The following CYBC1 variants were observed in gnomAD, a reference collection of about 807,000 sequenced individuals.
CYBC1 encodes the protein cytochrome b-245 chaperone 1, also known as essential for reactive oxygen species protein.
Under a neutral mutation model 21.7 loss-of-function variants are expected in CYBC1, and 22 were observed. The ratio of observed to expected loss-of-function variants is 1.02; its 90% confidence interval spans 0.73 to 1.45. The LOEUF is 1.45. Ranked by LOEUF, CYBC1 falls within the 40% of genes most tolerant of loss-of-function variation. The pLI, the probability that CYBC1 is intolerant of heterozygous loss-of-function variation, is 0.00. For missense variants in CYBC1, 237 were observed against 242.1 expected (o/e 0.98, Z 0.14); for synonymous variants, 112 against 98.7 (o/e 1.13, Z -0.80).
intron 1 of CYBC1, chr17:82,450,285 A>G (rs1346283072): frequency 6.6e-6 from 1 of 152,184 alleles, no homozygotes. Context: ...GTGTCTCAAA[A>G]AAATAAAAAA....
chr17:82,446,362 G>T (rs1192544583), intron 4 of CYBC1, among the ~76,000 whole-genome samples: 1 of 152,218 alleles, frequency 6.6e-6, no homozygotes, highest in Non-Finnish European at 1.5e-5. Context: ...TGGCAACTCT[G>T]GGAAGAAAGC....
intron 1 of CYBC1, chr17:82,449,749 G>A (rs11870582): frequency 0.015 from 2,342 of 154,536 alleles, 66 homozygotes; most frequent in African/African-American, 0.054. Flanking sequence ...ATGGACCAAC[G>A]ATCTCAGCTC....
chr17:82,444,243 G>A, intron 6 of CYBC1, 119 bp from the exon 7 acceptor site: 1 of 1,479,764 alleles, frequency 6.8e-7, no homozygotes. Context: ...CTCCCAAACT[G>A]GACCCAGCAC....
intron 3 of CYBC1, chr17:82,447,326 C>T: frequency 1.9e-6 from 1 of 535,174 alleles, no homozygotes; most frequent in Non-Finnish European, 3.4e-6. Context: ...GCACTCCAGC[C>T]TGGGTGACAG....
At chr17:82,447,368 A>G (rs2054366784) in intron 3 of CYBC1, 2 of 572,934 alleles carry the variant, frequency 3.5e-6, no homozygotes, top group Non-Finnish European at 6.2e-6. Context: ...AAAAAAAAAA[A>G]GAAGTGAAAT....
chr17:82,450,746 C>G lies in CYBC1; in HGVS notation c.-85G>C, dbSNP rs565900309. The G allele has an allele frequency of 2.6e-5, 4 of 152,092 alleles. No individual in the cohort carries two copies. In the East Asian group the frequency reaches 5.8e-4, roughly 22 times the overall value. The allele number at this position is 152,092 out of a possible 1,614,324, so 9.4% of individuals were successfully genotyped here. On this transcript the variant is annotated 5_prime_UTR_variant, in exon 1 of 7. Transcript: ENST00000306645. ...GCCGCAGCAGAGAGACGCGAACCGG[C>G]GGGGGCGGGGCCGCGCGCACTTCCG...
chr17:82,450,656 G>A (rs998548195), intron 1 of CYBC1, 44 bp downstream of exon 1: 5 of 152,300 alleles, frequency 3.3e-5, no homozygotes, highest in East Asian at 1.9e-4. Flanking sequence ...CGCGCGGCAC[G>A]GAGCGGGAAG....
At position 82,443,975 on chromosome 17, in the gene CYBC1, G is replaced by A. The variant is rs201108529; in HGVS notation, c.*29C>T. ...GGAATGTGCCATGGGTCCTGTGGGC[G>A]GTGCACGGGCTCAGGCACAGTGGGG... On this transcript the variant is annotated 3_prime_UTR_variant, in exon 7 of 7. Transcript: ENST00000306645. The surrounding 1 kb of genome is among the most constrained non-coding windows in gnomAD (Gnocchi z 6.7). The A allele has an allele frequency of 2.1e-5, 33 of 1,609,084 alleles. No homozygotes were observed. Among genetic ancestry groups the A allele is most frequent in the African/African-American group, 6.7e-5 (5 of 74,990 alleles).
chr17:82,448,014 G>A lies in CYBC1; in HGVS notation c.86-393C>T, dbSNP rs369728133. 12 of 304,122 alleles carry A rather than the reference G, an allele frequency of 3.9e-5. No homozygotes were observed. The East Asian group carries it at 6.5e-4, about 16-fold the overall frequency. The allele number at this position is 304,122 out of a possible 1,614,324, so 18.8% of individuals were successfully genotyped here. A position where few individuals can be genotyped will look rare whatever the true frequency, so the allele number is the denominator to read the frequency against. ...CTGTGTGAGGCTCCATAACTGACAC[G>A]GGTGTTACTCCAGTAGCACGTGGTG... On this transcript the variant is annotated intron_variant, in intron 2 of 6. Transcript: ENST00000306645.
intron 4 of CYBC1, among the ~76,000 whole-genome samples, chr17:82,446,179 G>C (rs773142705): frequency 2.0e-5 from 3 of 152,226 alleles, no homozygotes; most frequent in Non-Finnish European, 4.4e-5. Context: ...GAGGTGGGCA[G>C]GTGCAGCAGG....
Position 82,446,641 on chromosome 17 carries a change from C to G in CYBC1, c.183G>C (p.Gln61His). ...YVTGCLFVAV[Q>H]NLEDWEEAIF... ...GCCTTACCTCCCAGTCCTCCAAGTT[C>G]TGCACAGCCACAAACAGGCAGCCTG... is the stretch of plus-strand genomic sequence containing the variant. Residue 61 changes from glutamine (Q) to histidine (H), a missense_variant, in exon 4 of 7, where the codon CAG (glutamine) becomes CAC (histidine). Transcript: ENST00000306645. 1.2e-6 allele frequency: 2 copies of G among 1,614,142 alleles called. No individual in the cohort carries two copies. Among genetic ancestry groups the G allele is most frequent in the Non-Finnish European group, 1.7e-6 (2 of 1,180,010 alleles).
In CYBC1 at chr17:82,447,741, T is replaced by C. The variant is rs906304185; in HGVS notation, c.86-120A>G. The C allele has an allele frequency of 9.0e-6, 8 of 887,708 alleles. No individual in the cohort carries two copies. The African/African-American group carries it at 1.2e-4, about 13-fold the overall frequency. 55.0% of individuals were successfully genotyped at this position (887,708 alleles called of 1,614,324 possible). The stretch of plus-strand genomic sequence containing the variant: ...GCCCTTCCCACTGTAGGAACAGCTG[T>C]GGTCAGGGGTTACAGACCACCAGGT... On this transcript the variant is annotated intron_variant, in intron 2 of 6. Coordinates refer to ENST00000306645, the MANE Select transcript of CYBC1 (RefSeq NM_001033046.4).
intron 1 of CYBC1, chr17:82,450,050 G>A (rs563960305): frequency 6.6e-6 from 1 of 152,302 alleles, no homozygotes; most frequent in Non-Finnish European, 1.5e-5. Flanking sequence ...GGGAGGACGA[G>A]GCGTGCGGAT....
In CYBC1 at chr17:82,444,466, C is replaced by T. The variant is rs1192858254; in HGVS notation, c.424G>A (p.Ala142Thr). The stretch of plus-strand genomic sequence containing the variant: ...CCTTACCTGCGGTGGCCCATGACTG[C>T]ACTCTGCGTGAGGGGGTGGGAGAAG... Reference protein sequence around the residue: ...TGFSHPLTQSAVMGHRSDVEA... With the variant: ...TGFSHPLTQSTVMGHRSDVEA... The change falls in exon 6 of 7, where the codon GCA becomes ACA. Residue 142 changes from alanine to threonine, a missense_variant. Transcript: ENST00000306645. 2 of 1,612,320 alleles carry T rather than the reference C, an allele frequency of 1.2e-6. No individual in the cohort carries two copies. The highest frequency in any genetic ancestry group is 1.3e-5 in the African/African-American group (1 of 74,938).
intron 5 of CYBC1, 79 bp downstream of exon 5, chr17:82,445,785 G>T (rs755793396): frequency 5.5e-6 from 6 of 1,086,074 alleles, no homozygotes; most frequent in Non-Finnish European, 8.0e-6. Context: ...CCCCCCTCTA[G>T]GCCCCGTGAG....
chr17:82,444,241 C>T, intron 6 of CYBC1, 117 bp from the exon 7 acceptor site: 1 of 1,482,834 alleles, frequency 6.7e-7, no homozygotes, highest in Non-Finnish European at 9.0e-7. Flanking sequence ...AGCTCCCAAA[C>T]TGGACCCAGC....
At chr17:82,447,211 G>A (rs2054349974) in intron 3 of CYBC1, 3 of 345,866 alleles carry the variant, frequency 8.7e-6, no homozygotes, top group South Asian at 8.3e-5. Flanking sequence ...AAATTAGCCG[G>A]GCGTAGTGGC....
At chr17:82,446,590 C>T in intron 4 of CYBC1, 33 bp downstream of exon 4, 1 of 1,609,820 alleles carries the variant, frequency 6.2e-7, no homozygotes, top group Non-Finnish European at 8.5e-7. Context: ...CTGAACAGCC[C>T]TGGACTCTGT....
intron 4 of CYBC1, 40 bp from the exon 5 acceptor site, chr17:82,446,000 A>T (rs377007307): frequency 6.3e-7 from 1 of 1,591,448 alleles, no homozygotes; most frequent in African/African-American, 1.3e-5. Context: ...AACCTCCAGG[A>T]ACGGGGGCCC....
Sources: gnomAD v4.1 joint callset for allele counts (sites outside exome capture counted in the v4.1 genomes callset) on GRCh38, gnomAD v4.1.1 for gene constraint, Gnocchi (gnomAD v3.1) non-coding constraint, MANE v1.5 for transcripts, NCBI Gene and HGNC (gene_info 2026-07-23, HGNC 2026-07-21) for gene names.